The following TRIM46 variants were observed in gnomAD, a reference collection of about 807,000 sequenced individuals.
TRIM46 encodes tripartite motif containing 46.
In TRIM46, 17 loss-of-function variants were observed where a neutral mutation model predicts 69.7. The observed-to-expected ratio is 0.24, with a 90% confidence interval of 0.17 to 0.37. The LOEUF is 0.37. Ranked by LOEUF, TRIM46 falls within the 10% of genes least tolerant of loss-of-function variation. TRIM46 has a pLI of 1.00. For missense variants in TRIM46, 675 were observed against 1,025.1 expected, an observed-to-expected ratio of 0.66 and a Z score of 4.66; for synonymous variants, 391 against 429.0, an observed-to-expected ratio of 0.91 and a Z score of 1.09.
intron 1 of TRIM46, chr1:155,174,778 A>G (rs1394035186): frequency 1.4e-6 from 2 of 1,455,366 alleles, no homozygotes; most frequent in African/African-American, 1.4e-5. Context: ...GGTGCCGCTG[A>G]CCGGGTTGCG....
chr1:155,175,673 G>T lies in TRIM46; in HGVS notation c.325+26G>T, dbSNP rs201839459. 7.4e-6 allele frequency: 12 copies of T among 1,612,656 alleles called. No homozygotes were observed. The highest frequency in any genetic ancestry group is 1.6e-4 in the Middle Eastern group (1 of 6,080). ...GTGGGACTGGGGCCTGTAGGGTGGG[G>T]ATGGGAACGCTGAGCTATTCATCAG... On this transcript the variant is annotated intron_variant, in intron 2 of 9. Transcript: ENST00000334634. This position sits in a 1 kb window ranked among gnomAD's most constrained non-coding sequence, Gnocchi z 4.2.
chr1:155,174,715 G>T, intron 1 of TRIM46: 1 of 1,450,442 alleles, frequency 6.9e-7, no homozygotes, highest in Non-Finnish European at 9.1e-7. Flanking sequence ...ACTTCCGGTG[G>T]GGAGGGGGCG....
intron 8 of TRIM46, among the ~76,000 whole-genome samples, chr1:155,180,215 C>G (rs1666045026): frequency 6.6e-6 from 1 of 152,308 alleles, no homozygotes; most frequent in African/African-American, 2.4e-5. Context: ...GCCTGTAATC[C>G]TAGCACTTTG....
intron 1 of TRIM46, chr1:155,174,393 G>A (rs1665437024): frequency 4.6e-6 from 2 of 438,312 alleles, no homozygotes. Context: ...CTGAGGACAG[G>A]TGGGGGATGA....
chr1:155,184,258 G>A lies in TRIM46; in HGVS notation c.*68G>A, dbSNP rs574167579. On this transcript the variant is annotated 3_prime_UTR_variant, in exon 10 of 10. Coordinates refer to ENST00000334634, the MANE Select transcript of TRIM46 (RefSeq NM_025058.5). The surrounding 1 kb of genome is among the most constrained non-coding windows in gnomAD (Gnocchi z 5.6). ...CTGGCCCCCAAACCTCTTGGCACCCGGTTGTTACCCCCTGGCAGCTTCTCC... is the reference window on the plus strand; with the variant it reads ...CTGGCCCCCAAACCTCTTGGCACCCAGTTGTTACCCCCTGGCAGCTTCTCC... The A allele has an allele frequency of 2.1e-5, 31 of 1,457,520 alleles. No homozygotes were observed. The highest frequency in any genetic ancestry group is 1.7e-4 in the South Asian group (12 of 70,422). 90.3% of individuals were successfully genotyped at this position (1,457,520 alleles called of 1,614,324 possible). A position where few individuals can be genotyped will look rare whatever the true frequency, so the allele number is the denominator to read the frequency against.
In TRIM46 at chr1:155,178,579, G is replaced by C. The variant is rs770449098; in HGVS notation, c.1251G>C (p.Glu417Asp). ...FRHCQLDVGR[E>D]MKLLTELNFL... ...ATTGCCAGCTCGACGTGGGACGTGA[G>C]ATGAAGCTGCTGACAGAGCTTAACT... Residue 417 changes from glutamate (E) to aspartate (D), a missense_variant, in exon 7 of 10, where the codon GAG becomes GAC. Physicochemically the swap from Glu to Asp is conservative, Grantham distance 45. Coordinates refer to ENST00000334634, the MANE Select transcript of TRIM46 (RefSeq NM_025058.5). 8.1e-6 allele frequency: 13 copies of C among 1,614,030 alleles called. No homozygotes were observed. The East Asian group carries it at 2.9e-4, about 36-fold the overall frequency.
chr1:155,177,974 C>T, intron 5 of TRIM46, 28 bp from the exon 6 acceptor site: 1 of 1,604,774 alleles, frequency 6.2e-7, no homozygotes, highest in South Asian at 1.1e-5. Flanking sequence ...GTAAGTCACG[C>T]ATCCTTTGGG....
rs115576450 is a variant in TRIM46 at position 155,180,198 on chromosome 1, G to A, written c.1588+264G>A. 2.7e-3 allele frequency among the ~76,000 whole-genome samples: 413 copies of A among 152,342 alleles called. 3 individuals are homozygous for A. Among genetic ancestry groups the A allele is most frequent in the African/African-American group, 8.9e-3 (368 of 41,580 alleles). On this transcript the variant is annotated intron_variant, in intron 8 of 9. Transcript: ENST00000334634. The stretch of plus-strand genomic sequence containing the variant: ...AACGATAATACTGGCCAGGTGCAGC[G>A]GCTCATGCCTGTAATCCTAGCACTT...
At position 155,176,132 on chromosome 1, in the gene TRIM46, C is replaced by G; in HGVS notation, c.570C>G (p.Arg190=). Reference sequence around the variant, plus strand: ...CCACCAAGGGCTGCACAGAGTGCCGCGCCACCTTCTGCAATGAGTGCTTCA... The same window carrying G: ...CCACCAAGGGCTGCACAGAGTGCCGGGCCACCTTCTGCAATGAGTGCTTCA... ...LEATKGCTEC[R]ATFCNECFKL... The change falls in exon 3 of 10, where the codon CGC becomes CGG. Residue 190 remains arginine (R), a synonymous_variant. Transcript: ENST00000334634. 1 of 1,614,054 alleles carries G rather than the reference C, an allele frequency of 6.2e-7. No homozygotes were observed.
Position 155,175,604 on chromosome 1 carries a change from A to C in TRIM46, c.282A>C (p.Arg94Ser), listed in dbSNP as rs776716990. Residue 94 changes from arginine to serine, a missense_variant, in exon 2 of 10, where the codon AGA (arginine) becomes AGC (serine). Arg to Ser is a moderately radical substitution (Grantham distance 110). This residue lies in a region of TRIM46 where 170 missense variants were observed against 255.6 expected (regional missense o/e 0.67). Transcript: ENST00000334634. This position sits in a 1 kb window ranked among gnomAD's most constrained non-coding sequence, Gnocchi z 4.2. ...CCCGCAGCCCCCGCCTCTCCCGCAG[A>C]ACTCTCCCCAAGCCAGACCGCCTGG... is the stretch of plus-strand genomic sequence containing the variant. ...PSTRSPRLSR[R>S]TLPKPDRLDR... 1 of 1,613,656 alleles carries C rather than the reference A, an allele frequency of 6.2e-7. No homozygotes were observed. Among genetic ancestry groups the C allele is most frequent in the Non-Finnish European group, 8.5e-7 (1 of 1,179,976 alleles).
chr1:155,177,395 C>A, intron 5 of TRIM46, 105 bp downstream of exon 5: 2 of 995,332 alleles, frequency 2.0e-6, no homozygotes, highest in Non-Finnish European at 3.2e-6. Context: ...GCTCAGGAAG[C>A]CCGTGAGGTG....
At chr1:155,179,563 G>C in intron 7 of TRIM46, 69 bp from the exon 8 acceptor site, 1 of 1,456,836 alleles carries the variant, frequency 6.9e-7, no homozygotes. Context: ...CCCTTTTCCT[G>C]CCTGCCCCTG....
intron 7 of TRIM46, 170 bp downstream of exon 7, chr1:155,178,783 C>T: frequency 6.6e-7 from 1 of 1,514,532 alleles, no homozygotes; most frequent in Non-Finnish European, 8.8e-7. Flanking sequence ...GCGCTCAGCG[C>T]TGCTTCTCCC....
rs1665518646 is a variant in TRIM46 at position 155,174,971 on chromosome 1, A to T, written c.64-415A>T. On this transcript the variant is annotated intron_variant, in intron 1 of 9. Coordinates refer to ENST00000334634, the MANE Select transcript of TRIM46 (RefSeq NM_025058.5). Reference sequence around the variant, plus strand: ...CCTGGCTATCGGGAGGAATCACGGCATGGGGGTGCTGCTAGAGAAGGGAGT... The same window carrying T: ...CCTGGCTATCGGGAGGAATCACGGCTTGGGGGTGCTGCTAGAGAAGGGAGT... The T allele has an allele frequency of 8.7e-6, 12 of 1,385,464 alleles. No individual in the cohort carries two copies. In the South Asian group the frequency reaches 1.5e-4, roughly 18 times the overall value. 85.8% of individuals were successfully genotyped at this position (1,385,464 alleles called of 1,614,324 possible). A position where few individuals can be genotyped will look rare whatever the true frequency, so the allele number is the denominator to read the frequency against.
At chr1:155,182,910 CCT>C (rs1666273101) in intron 9 of TRIM46, 1 of 128,288 alleles carries the variant, frequency 7.8e-6, no homozygotes, top group Non-Finnish European at 1.6e-5. Context: ...TCCCCAACTC[CCT>C]GTTTTTTTTT....
At position 155,179,636 on chromosome 1, in the gene TRIM46, T is replaced by C; in HGVS notation, c.1290T>C (p.Pro430=). 3 of 1,594,164 alleles carry C rather than the reference T, an allele frequency of 1.9e-6. No homozygotes were observed. The highest frequency in any genetic ancestry group is 1.1e-5 in the South Asian group (1 of 88,778). Reference sequence around the variant, plus strand: ...ACCCGCTGTCTCTTCCAACAGTGCCTGAGGCCCCCGTCATTGACACCCAGC... The same window carrying C: ...ACCCGCTGTCTCTTCCAACAGTGCCCGAGGCCCCCGTCATTGACACCCAGC... ...LLTELNFLRV[P]EAPVIDTQRT... Residue 430 remains proline (P), a synonymous_variant, in exon 8 of 10, where the codon CCT becomes CCC. Transcript: ENST00000334634.
Position 155,175,441 on chromosome 1 carries a change from AC to A in TRIM46, c.120del (p.Tyr40Ter). ...ELLCPVCQEM[Y>X]KQPLVLPCTH... ...CTGTGCCCAGTGTGTCAAGAGATGT[AC>A]AAGCAGCCACTGGTGCTGCCCTGTA... On this transcript the variant is annotated frameshift_variant, in exon 2 of 10. Coordinates refer to ENST00000334634, the MANE Select transcript of TRIM46 (RefSeq NM_025058.5). LOFTEE classifies it high-confidence loss of function. The surrounding 1 kb of genome is among the most constrained non-coding windows in gnomAD (Gnocchi z 4.2). 1 of 1,614,124 alleles carries A rather than the reference AC, an allele frequency of 6.2e-7. No individual in the cohort carries two copies. Among genetic ancestry groups the A allele is most frequent in the Non-Finnish European group, 8.5e-7 (1 of 1,179,982 alleles).
At chr1:155,180,063 G>C in intron 8 of TRIM46, 129 bp downstream of exon 8, 1 of 1,090,250 alleles carries the variant, frequency 9.2e-7, no homozygotes, top group South Asian at 1.7e-5. Context: ...ACTAGCTCTG[G>C]AGCTAGACTG....
chr1:155,174,078 G>A (rs1665406862), intron 1 of TRIM46, 49 bp downstream of exon 1: 1 of 1,536,656 alleles, frequency 6.5e-7, no homozygotes. Context: ...ATAGGGTTCT[G>A]GGGCAAGCTG....
Sources: gnomAD v4.1 joint callset for allele counts (sites outside exome capture counted in the v4.1 genomes callset) on GRCh38, gnomAD v4.1.1 for gene constraint, gnomAD v4.1.1 regional missense constraint, Gnocchi (gnomAD v3.1) non-coding constraint, MANE v1.5 for transcripts, NCBI Gene and HGNC (gene_info 2026-07-23, HGNC 2026-07-21) for gene names.